Variants in NDUFS4 observed in about 807,000 individuals in gnomAD.
NDUFS4 encodes the protein NADH dehydrogenase [ubiquinone] iron-sulfur protein 4, mitochondrial.
A neutral mutation model predicts 24.3 loss-of-function variants in NDUFS4; 28 were observed. The ratio of observed to expected loss-of-function variants is 1.15; its 90% confidence interval spans 0.85 to 1.58. The LOEUF (loss-of-function observed/expected upper bound fraction) is 1.58, where lower values mean the gene tolerates loss of function less well. Ranked by LOEUF, NDUFS4 falls within the 40% of genes most tolerant of loss-of-function variation. NDUFS4 has a pLI of 0.00. For synonymous variants in NDUFS4, 93 were observed against 69.7 expected, an observed-to-expected ratio of 1.34 and a Z score of -1.67; for missense variants, 223 against 207.9, an observed-to-expected ratio of 1.07 and a Z score of -0.45.
intron 4 of NDUFS4, among the ~76,000 whole-genome samples, chr5:53,682,748 T>A (rs1040081802): frequency 2.6e-5 from 4 of 152,074 alleles, no homozygotes; most frequent in African/African-American, 9.6e-5. Flanking sequence ...TAATAGTGAG[T>A]TGGTTATAAT....
intron 1 of NDUFS4, among the ~76,000 whole-genome samples, chr5:53,562,952 G>A (rs1033437700): frequency 9.9e-5 from 15 of 152,104 alleles, no homozygotes; most frequent in Admixed American, 7.2e-4. Flanking sequence ...AGGAAGGGCC[G>A]GGCGCGGTGG....
chr5:53,636,602 C>A (rs1751558350), intron 2 of NDUFS4, among the ~76,000 whole-genome samples: 1 of 152,042 alleles, frequency 6.6e-6, no homozygotes, highest in African/African-American at 2.4e-5. Flanking sequence ...AATTTGTTTG[C>A]AAAACAAGTT....
intron 1 of NDUFS4, among the ~76,000 whole-genome samples, chr5:53,585,145 G>C (rs933369919): frequency 5.9e-5 from 9 of 152,268 alleles, no homozygotes; most frequent in African/African-American, 1.9e-4. Context: ...AGAAGTACTG[G>C]TTTTGTGTCT....
intron 1 of NDUFS4, among the ~76,000 whole-genome samples, chr5:53,593,403 GTCTCTCTC>G (rs141885291): frequency 2.1e-5 from 3 of 145,622 alleles, no homozygotes; most frequent in East Asian, 4.0e-4. Flanking sequence ...TTAGGGCTTT[GTCTCTCTC>G]TCTCTCTCTC....
At chr5:53,575,443 A>AC (rs1211933427) in intron 1 of NDUFS4, among the ~76,000 whole-genome samples, 1 of 151,956 alleles carries the variant, frequency 6.6e-6, no homozygotes, top group Non-Finnish European at 1.5e-5. Context: ...TTTTAAAGCT[A>AC]AACGCTAACA....
intron 2 of NDUFS4, among the ~76,000 whole-genome samples, chr5:53,644,171 T>C (rs402751): frequency 0.26 from 39,316 of 152,046 alleles, 6,766 homozygotes; most frequent in African/African-American, 0.48. Context: ...CATCACAGTA[T>C]AGAAGTAGGT....
chr5:53,577,275 G>C (rs947674321), intron 1 of NDUFS4, among the ~76,000 whole-genome samples: 6 of 152,196 alleles, frequency 3.9e-5, no homozygotes, highest in African/African-American at 1.4e-4. Context: ...GATTAAAGGT[G>C]TTAACTCTTT....
At chr5:53,563,003 G>T (rs1020860819) in intron 1 of NDUFS4, among the ~76,000 whole-genome samples, 4 of 152,100 alleles carry the variant, frequency 2.6e-5, no homozygotes, top group African/African-American at 9.7e-5. Flanking sequence ...GCCGAGGCGG[G>T]CAGATCACAA....
At chr5:53,573,605 T>A in intron 1 of NDUFS4, 1 of 453,078 alleles carries the variant, frequency 2.2e-6, no homozygotes, top group Non-Finnish European at 4.4e-6. Flanking sequence ...TTTTATTTTT[T>A]AGAGACAGGG....
intron 1 of NDUFS4, among the ~76,000 whole-genome samples, chr5:53,571,165 AT>A (rs1406960778): frequency 2.0e-5 from 3 of 152,174 alleles, no homozygotes; most frequent in Non-Finnish European, 4.4e-5. Flanking sequence ...ATTTTAGAAC[AT>A]TTCCATCACT....
chr5:53,611,233 T>C (rs1463751117), intron 2 of NDUFS4, among the ~76,000 whole-genome samples: 1 of 151,580 alleles, frequency 6.6e-6, no homozygotes, highest in Non-Finnish European at 1.5e-5. Flanking sequence ...GCATCAATTA[T>C]GTATCAACAA....
intron 1 of NDUFS4, among the ~76,000 whole-genome samples, chr5:53,591,483 C>G (rs72751838): frequency 7.8e-6 from 1 of 128,420 alleles, no homozygotes; most frequent in East Asian, 2.4e-4. Context: ...GTGATAATAA[C>G]TATCGTAATA....
intron 1 of NDUFS4, among the ~76,000 whole-genome samples, chr5:53,582,199 A>G (rs896909757): frequency 6.8e-6 from 1 of 146,506 alleles, no homozygotes; most frequent in Non-Finnish European, 1.5e-5. Flanking sequence ...CAACAGAGTG[A>G]GACTCTGTCT....
At chr5:53,594,910 A>C (rs978604639) in intron 1 of NDUFS4, among the ~76,000 whole-genome samples, 19 of 150,648 alleles carry the variant, frequency 1.3e-4, no homozygotes, top group African/African-American at 4.7e-4. Flanking sequence ...ATATGCGTTG[A>C]TTTTTAAATC....
intron 3 of NDUFS4, among the ~76,000 whole-genome samples, chr5:53,648,017 G>A (rs1292345174): frequency 6.6e-6 from 1 of 152,184 alleles, no homozygotes; most frequent in East Asian, 1.9e-4. Flanking sequence ...TACTTCCACA[G>A]ATCTACAAAT....
chr5:53,606,290 G>C (rs568787366), intron 2 of NDUFS4, among the ~76,000 whole-genome samples: 1 of 152,136 alleles, frequency 6.6e-6, no homozygotes, highest in African/African-American at 2.4e-5. Context: ...AGCATTGCTC[G>C]GCTTGTGAGG....
At chr5:53,652,259 T>G (rs1276700987) in intron 3 of NDUFS4, among the ~76,000 whole-genome samples, 1 of 151,378 alleles carries the variant, frequency 6.6e-6, no homozygotes, top group African/African-American at 2.4e-5. Context: ...TTGGAAGGGT[T>G]TTTTTTTTCT....
chr5:53,584,828 C>T (rs983712197), intron 1 of NDUFS4, among the ~76,000 whole-genome samples: 9 of 151,868 alleles, frequency 5.9e-5, no homozygotes, highest in Non-Finnish European at 1.0e-4. Flanking sequence ...AGTGCTGTGG[C>T]GGGATCTCAG....
chr5:53,667,622 T>C (rs772643896), intron 4 of NDUFS4, among the ~76,000 whole-genome samples: 9 of 151,964 alleles, frequency 5.9e-5, no homozygotes, highest in Non-Finnish European at 1.3e-4. Context: ...TCCCCACAAC[T>C]AAAATCATTT....
Sources: allele counts gnomAD v4.1 joint callset (sites outside exome capture counted in the v4.1 genomes callset), GRCh38; gene constraint gnomAD v4.1.1; transcripts MANE v1.5; gene names NCBI Gene and HGNC (gene_info 2026-07-23, HGNC 2026-07-21).